EFCAB5: variants seen among roughly 807,000 people sequenced by gnomAD.
The protein encoded by EFCAB5 is EF-hand calcium binding domain 5.
EFCAB5 carries 131 observed loss-of-function variants against 167.9 expected under a neutral mutation model. That is an observed-to-expected ratio of 0.78 (90% CI 0.68 to 0.90). The LOEUF is 0.90. Among genes scored for constraint, EFCAB5 ranks in the 40% least tolerant of loss-of-function variants. The pLI, the probability that EFCAB5 is intolerant of heterozygous loss-of-function variation, is 0.00. For synonymous variants in EFCAB5, 574 were observed against 602.8 expected (o/e 0.95, Z 0.70); for missense variants, 1,663 against 1,745.2 (o/e 0.95, Z 0.84).
rs549420640 is a variant in EFCAB5, at chr17:29,943,804, T to C, written c.190+155T>C. 7.2e-5 allele frequency among the ~76,000 whole-genome samples: 11 copies of C among 152,216 alleles called. No individual in the cohort carries two copies. The East Asian group carries it at 1.9e-3, about 27-fold the overall frequency. Reference sequence around the variant, plus strand: ...GCCTGGCCAACATGGTGAAACACCATCTCTTCTAAAAATACAAAAAATTAG... The same window carrying C: ...GCCTGGCCAACATGGTGAAACACCACCTCTTCTAAAAATACAAAAAATTAG... On this transcript the variant is annotated intron_variant, in intron 3 of 22. Transcript: ENST00000394835.
In EFCAB5 at chr17:29,999,977, G is replaced by A. The variant is rs1251997933; in HGVS notation, c.1044+1G>A. ...ATTGAACAAAATGGAATTTACAGAA[G>A]TAAGAGTTACATTATTTAATGTTTG... On this transcript the variant is annotated splice_donor_variant, in intron 7 of 22. Transcript: ENST00000394835. LOFTEE classifies it high-confidence loss of function. The A allele has an allele frequency of 5.8e-6, 9 of 1,557,076 alleles. No homozygotes were observed. The Admixed American group carries it at 1.7e-4, about 29-fold the overall frequency.
intron 14 of EFCAB5, chr17:30,069,475 C>T (rs1213633062): frequency 2.5e-6 from 4 of 1,584,382 alleles, no homozygotes; most frequent in African/African-American, 1.3e-5. Flanking sequence ...AGATTGATGG[C>T]GTTCACCAGT....
chr17:30,054,100 G>T lies in EFCAB5; in HGVS notation c.2146G>T (p.Glu716Ter). Reference sequence around the variant, plus strand: ...TGAAGAGGAAATATTCCTGAGTTCTGAACTGCAAGAGGAAGTTCCAACCTT... The same window carrying T: ...TGAAGAGGAAATATTCCTGAGTTCTTAACTGCAAGAGGAAGTTCCAACCTT... ...TYEEEIFLSSELQEEVPTLSR... is the reference protein window; with the variant it reads ...TYEEEIFLSS The change falls in exon 10 of 23, where the codon GAA becomes TAA. Residue 716 changes from glutamate (E) to a stop codon, truncating the protein, a stop_gained. Coordinates refer to ENST00000394835, the MANE Select transcript of EFCAB5 (RefSeq NM_198529.4). LOFTEE classifies it high-confidence loss of function. 6.3e-7 allele frequency: 1 copy of T among 1,577,798 alleles called. No individual in the cohort carries two copies. Among genetic ancestry groups the T allele is most frequent in the East Asian group, 2.3e-5 (1 of 44,066 alleles).
chr17:30,083,854 G>A (rs1416946376), intron 18 of EFCAB5, among the ~76,000 whole-genome samples: 1 of 152,246 alleles, frequency 6.6e-6, no homozygotes, highest in African/African-American at 2.4e-5. Context: ...GGTGGAGTGG[G>A]AAGGGACTAG....
intron 14 of EFCAB5, chr17:30,069,733 G>A (rs544739143): frequency 4.6e-4 from 400 of 871,576 alleles, no homozygotes; most frequent in Non-Finnish European, 6.0e-4. Context: ...CGGTGCTGGA[G>A]CATGGTATGA....
intron 4 of EFCAB5, chr17:29,972,645 G>T: frequency 6.2e-6 from 1 of 160,450 alleles, no homozygotes; most frequent in South Asian, 1.7e-4. Context: ...GAGCCAGTTG[G>T]GGTCTTGTGG....
intron 7 of EFCAB5, among the ~76,000 whole-genome samples, chr17:30,026,758 T>C (rs2069333795): frequency 6.6e-6 from 1 of 152,018 alleles, no homozygotes; most frequent in East Asian, 1.9e-4. Context: ...AATTTTTTTG[T>C]AGAAATGGGA....
intron 13 of EFCAB5, among the ~76,000 whole-genome samples, chr17:30,058,672 T>C (rs889206935): frequency 5.3e-5 from 8 of 152,160 alleles, no homozygotes; most frequent in Non-Finnish European, 1.2e-4. Context: ...CCATTTTTCA[T>C]TATTTAAACA....
chr17:30,079,136 C>T (rs2070930436), intron 15 of EFCAB5, among the ~76,000 whole-genome samples: 1 of 152,190 alleles, frequency 6.6e-6, no homozygotes, highest in Admixed American at 6.5e-5. Context: ...GGAACCTATG[C>T]CAGTCATCTC....
rs143668676 is a variant in EFCAB5 at position 29,952,762 on chromosome 17, A to G, written c.190+9113A>G. ...ATAAACATGAAATTCAGAATAGTCTATCTCTCAAAGTAGCAGTCTATGGGA... is the reference window on the plus strand; with the variant it reads ...ATAAACATGAAATTCAGAATAGTCTGTCTCTCAAAGTAGCAGTCTATGGGA... On this transcript the variant is annotated intron_variant, in intron 3 of 22. Coordinates refer to ENST00000394835, the MANE Select transcript of EFCAB5 (RefSeq NM_198529.4). 5.1e-3 allele frequency among the ~76,000 whole-genome samples: 784 copies of G among 152,314 alleles called. 10 individuals are homozygous for G. Among genetic ancestry groups the G allele is most frequent in the African/African-American group, 0.018 (741 of 41,574 alleles).
chr17:30,106,481 G>T (rs1597582992), intron 22 of EFCAB5, among the ~76,000 whole-genome samples: 1 of 151,986 alleles, frequency 6.6e-6, no homozygotes, highest in Non-Finnish European at 1.5e-5. Flanking sequence ...TTTTGAAATG[G>T]AGTCTCACTC....
At chr17:29,973,138 A>T (rs1186584637) in intron 4 of EFCAB5, 1 of 152,390 alleles carries the variant, frequency 6.6e-6, no homozygotes, top group Admixed American at 6.5e-5. Context: ...CTGTCACAGG[A>T]ACCCAAGCCC....
chr17:30,031,022 T>A (rs1351124410), intron 7 of EFCAB5, among the ~76,000 whole-genome samples: 1 of 151,634 alleles, frequency 6.6e-6, no homozygotes, highest in Non-Finnish European at 1.5e-5. Flanking sequence ...CAAATACCAA[T>A]TTTTTTTTCA....
rs143108919 is a variant in EFCAB5, at chr17:30,001,030, C to G, written c.1044+1054C>G. On this transcript the variant is annotated intron_variant, in intron 7 of 22. Coordinates refer to ENST00000394835, the MANE Select transcript of EFCAB5 (RefSeq NM_198529.4). The stretch of plus-strand genomic sequence containing the variant: ...AGAATTATTCAAACCAGCCAATCCT[C>G]AACTGTTTAACCTCTCGTGGCTTGC... Among the ~76,000 whole-genome samples, 1,520 of 152,300 alleles carry G rather than the reference C, an allele frequency of 1.0e-2. 8 individuals carry two copies. Among genetic ancestry groups the G allele is most frequent in the Non-Finnish European group, 0.016 (1,061 of 68,028 alleles).
intron 13 of EFCAB5, among the ~76,000 whole-genome samples, chr17:30,058,386 T>C (rs2070335143): frequency 6.6e-6 from 1 of 152,238 alleles, no homozygotes; most frequent in African/African-American, 2.4e-5. Context: ...ATATGAAATA[T>C]GTAAATTACT....
intron 17 of EFCAB5, among the ~76,000 whole-genome samples, chr17:30,082,069 G>A (rs924093432): frequency 6.6e-6 from 1 of 152,054 alleles, no homozygotes. Context: ...CCTTCTCTGT[G>A]GAACAGGGTC....
intron 4 of EFCAB5, among the ~76,000 whole-genome samples, chr17:29,984,782 C>A (rs1597620850): frequency 6.6e-6 from 1 of 151,972 alleles, no homozygotes; most frequent in South Asian, 2.1e-4. Context: ...CAGACCCAGC[C>A]CCTTCTGTAC....
intron 8 of EFCAB5, among the ~76,000 whole-genome samples, chr17:30,048,931 C>T (rs1475695070): frequency 6.6e-6 from 1 of 152,160 alleles, no homozygotes; most frequent in African/African-American, 2.4e-5. Context: ...GAGAAGTTTA[C>T]AAGGACCAAA....
At chr17:30,096,123 C>T (rs1318046514) in intron 22 of EFCAB5, among the ~76,000 whole-genome samples, 2 of 152,196 alleles carry the variant, frequency 1.3e-5, no homozygotes, top group African/African-American at 4.8e-5. Context: ...GGGTATAACA[C>T]TCTGTTCTGG....
Sources: gnomAD v4.1 joint callset for allele counts (sites outside exome capture counted in the v4.1 genomes callset) on GRCh38, gnomAD v4.1.1 for gene constraint, MANE v1.5 for transcripts, NCBI Gene and HGNC (gene_info 2026-07-23, HGNC 2026-07-21) for gene names.